Variants in IPO11 observed in about 807,000 individuals in gnomAD.
IPO11 encodes the protein importin-11.
IPO11 carries 66 observed loss-of-function variants against 143.2 expected under a neutral mutation model. That is an observed-to-expected ratio of 0.46 (90% CI 0.38 to 0.57). The LOEUF is 0.57. Among genes scored for constraint, IPO11 ranks in the 20% least tolerant of loss-of-function variants. IPO11 has a pLI of 0.00. For missense variants in IPO11, 1,026 were observed against 1,141.0 expected, an observed-to-expected ratio of 0.90 and a Z score of 1.45; for synonymous variants, 385 against 377.8, an observed-to-expected ratio of 1.02 and a Z score of -0.22.
At chr5:62,610,879 A>G (rs1034277124) in intron 29 of IPO11, among the ~76,000 whole-genome samples, 8 of 152,136 alleles carry the variant, frequency 5.3e-5, no homozygotes, top group African/African-American at 1.9e-4. Flanking sequence ...TATTTTGATC[A>G]ACAGTACATA....
chr5:62,550,628 G>A (rs1164032205), intron 25 of IPO11, among the ~76,000 whole-genome samples, 166 bp downstream of exon 25: 1 of 152,106 alleles, frequency 6.6e-6, no homozygotes, highest in Non-Finnish European at 1.5e-5. Flanking sequence ...GTTCCACACA[G>A]GGAAGCATAG....
chr5:62,435,173 T>TAC (rs1484144361), intron 1 of IPO11, among the ~76,000 whole-genome samples: 4 of 48,964 alleles, frequency 8.2e-5, no homozygotes, highest in Non-Finnish European at 1.2e-4. Context: ...TATATATATG[T>TAC]ATATATGTAT....
chr5:62,534,960 G>C (rs1742683872), intron 22 of IPO11, among the ~76,000 whole-genome samples: 1 of 151,916 alleles, frequency 6.6e-6, no homozygotes, highest in Admixed American at 6.6e-5. Flanking sequence ...GTAATGAACA[G>C]TGTCCAGTAC....
At chr5:62,489,395 A>G (rs376261256) in intron 14 of IPO11, 46 bp downstream of exon 14, 3 of 1,327,298 alleles carry the variant, frequency 2.3e-6, no homozygotes, top group African/African-American at 3.0e-5. Flanking sequence ...TATTCAGTAG[A>G]TGGAGAGTCT....
intron 3 of IPO11, among the ~76,000 whole-genome samples, chr5:62,445,900 T>C (rs1744703867): frequency 6.6e-6 from 1 of 152,186 alleles, no homozygotes; most frequent in African/African-American, 2.4e-5. Context: ...TTGTACACTT[T>C]TATTGTAGTT....
At chr5:62,603,813 C>T (rs1461635578) in intron 29 of IPO11, among the ~76,000 whole-genome samples, 2 of 152,228 alleles carry the variant, frequency 1.3e-5, no homozygotes, top group African/African-American at 4.8e-5. Context: ...GGACCTGCTG[C>T]GCAGTCATGC....
rs149736032 is a variant in IPO11, at chr5:62,467,075, T to C, written c.517-56T>C. 9.9e-5 allele frequency: 145 copies of C among 1,462,400 alleles called. No individual in the cohort carries two copies. The East Asian group carries it at 3.3e-3, about 33-fold the overall frequency. The allele number at this position is 1,462,400 out of a possible 1,614,324, so 90.6% of individuals were successfully genotyped here. On this transcript the variant is annotated intron_variant, in intron 5 of 29. Transcript: ENST00000325324. ...AAAATATATTACTTTGTAGTTCTAATGTATTACTGAAATGTATAATACACT... is the reference window on the plus strand; with the variant it reads ...AAAATATATTACTTTGTAGTTCTAACGTATTACTGAAATGTATAATACACT...
chr5:62,602,555 GA>G (rs1745545586), intron 29 of IPO11, among the ~76,000 whole-genome samples: 1 of 151,944 alleles, frequency 6.6e-6, no homozygotes, highest in African/African-American at 2.4e-5. Flanking sequence ...CTCATAGATA[GA>G]ATAAATAATT....
intron 19 of IPO11, among the ~76,000 whole-genome samples, chr5:62,507,890 A>G (rs1741607735): frequency 6.6e-6 from 1 of 152,214 alleles, no homozygotes; most frequent in Non-Finnish European, 1.5e-5. Flanking sequence ...TTACATGCCT[A>G]TATCATCAGA....
chr5:62,552,390 C>T (rs1743417906), intron 26 of IPO11, among the ~76,000 whole-genome samples: 1 of 151,532 alleles, frequency 6.6e-6, no homozygotes, highest in African/African-American at 2.4e-5. Context: ...TTAGAGATCC[C>T]AACCCTTGTT....
chr5:62,449,048 T>G (rs1744816850), intron 3 of IPO11, among the ~76,000 whole-genome samples: 2 of 152,150 alleles, frequency 1.3e-5, no homozygotes, highest in Non-Finnish European at 2.9e-5. Flanking sequence ...AAAAAAATAT[T>G]TAAGAGACAA....
At chr5:62,457,252 GC>G (rs1474404198) in intron 5 of IPO11, among the ~76,000 whole-genome samples, 1 of 152,114 alleles carries the variant, frequency 6.6e-6, no homozygotes, top group Non-Finnish European at 1.5e-5. Context: ...ACTTTGGAAA[GC>G]TGAGGTGGGA....
chr5:62,545,833 A>T (rs1387314177), intron 24 of IPO11, among the ~76,000 whole-genome samples: 1 of 152,256 alleles, frequency 6.6e-6, no homozygotes, highest in Admixed American at 6.5e-5. Context: ...TGCAGCCAAC[A>T]GATACATGAA....
chr5:62,453,297 C>A (rs1161993798), intron 5 of IPO11, among the ~76,000 whole-genome samples: 2 of 151,118 alleles, frequency 1.3e-5, no homozygotes, highest in Non-Finnish European at 2.9e-5. Flanking sequence ...TTTTCCTAGA[C>A]CTCCTTCTGA....
chr5:62,421,899 A>T (rs1561303016), intron 1 of IPO11, among the ~76,000 whole-genome samples: 1 of 152,232 alleles, frequency 6.6e-6, no homozygotes, highest in Non-Finnish European at 1.5e-5. Context: ...AGCTTTATAG[A>T]CAGTGATGTC....
chr5:62,437,621 A>G (rs937887519), intron 2 of IPO11, among the ~76,000 whole-genome samples: 2 of 152,214 alleles, frequency 1.3e-5, no homozygotes, highest in East Asian at 1.9e-4. Flanking sequence ...TAAGCTAGGT[A>G]TATGTAGCAT....
chr5:62,557,094 C>T (rs1743599093), intron 26 of IPO11, among the ~76,000 whole-genome samples: 1 of 152,180 alleles, frequency 6.6e-6, no homozygotes, highest in Admixed American at 6.5e-5. Context: ...CATTTGAATG[C>T]TTGGCCTCAC....
intron 27 of IPO11, among the ~76,000 whole-genome samples, chr5:62,584,150 G>T (rs1426670182): frequency 1.3e-5 from 2 of 152,076 alleles, no homozygotes; most frequent in African/African-American, 4.8e-5. Flanking sequence ...TAATTCCAAT[G>T]TGGAATTTTA....
At chr5:62,419,095 G>T (rs1029812977) in intron 1 of IPO11, 10 of 1,550,684 alleles carry the variant, frequency 6.4e-6, no homozygotes, top group Non-Finnish European at 8.7e-6. Flanking sequence ...GCATGTTACT[G>T]CACTGAATAC....
Sources: gnomAD v4.1 joint callset for allele counts (sites outside exome capture counted in the v4.1 genomes callset) on GRCh38, gnomAD v4.1.1 for gene constraint, MANE v1.5 for transcripts, NCBI Gene and HGNC (gene_info 2026-07-23, HGNC 2026-07-21) for gene names.